Variants in CCDC88A observed in about 807,000 individuals in gnomAD.
CCDC88A encodes girdin.
In CCDC88A, 54 loss-of-function variants were observed where a neutral mutation model predicts 234.3. The observed-to-expected ratio is 0.23, with a 90% CI of 0.19 to 0.29. The LOEUF (loss-of-function observed/expected upper bound fraction) is 0.29. CCDC88A is among the 10% of genes least tolerant of loss of function. The pLI is 1.00. For synonymous variants in CCDC88A, 753 were observed against 737.8 expected (o/e 1.02, Z -0.33); for missense variants, 1,832 against 2,123.4 (o/e 0.86, Z 2.70).
chr2:55,342,313 A>G (rs1184449082), intron 12 of CCDC88A, among the ~76,000 whole-genome samples: 1 of 152,200 alleles, frequency 6.6e-6, no homozygotes, highest in Non-Finnish European at 1.5e-5. Context: ...ACCACAGTAA[A>G]GCAAATATTC....
intron 7 of CCDC88A, among the ~76,000 whole-genome samples, chr2:55,357,992 C>T (rs1263634867): frequency 2.0e-5 from 3 of 152,134 alleles, no homozygotes; most frequent in Non-Finnish European, 4.4e-5. Flanking sequence ...ACCATATCTA[C>T]TCCTGAACCT....
At chr2:55,361,696 C>T (rs1272578366) in intron 7 of CCDC88A, among the ~76,000 whole-genome samples, 1 of 152,204 alleles carries the variant, frequency 6.6e-6, no homozygotes, top group Non-Finnish European at 1.5e-5. Flanking sequence ...TTACCCACCA[C>T]CACACGCACT....
At chr2:55,350,519 TC>T (rs1420669214) in intron 8 of CCDC88A, 2 of 151,652 alleles carry the variant, frequency 1.3e-5, no homozygotes, top group Non-Finnish European at 2.9e-5. Flanking sequence ...TACCTTCTGT[TC>T]TTTAATAATA....
At chr2:55,318,127 T>G (rs10203515) in intron 19 of CCDC88A, among the ~76,000 whole-genome samples, 4,490 of 152,246 alleles carry the variant, frequency 0.029, 208 homozygotes, top group African/African-American at 0.1. Context: ...TAGCAACCAT[T>G]TGTATTATAT....
At chr2:55,359,766 T>G (rs1671053239) in intron 7 of CCDC88A, among the ~76,000 whole-genome samples, 2 of 151,840 alleles carry the variant, frequency 1.3e-5, no homozygotes, top group South Asian at 4.1e-4. Flanking sequence ...AGTTTGTCAG[T>G]TTTTTGCTCC....
At position 55,332,778 on chromosome 2, in the gene CCDC88A, A is replaced by G. The variant is rs1685071702; in HGVS notation, c.2728-85T>C. 9 of 1,125,474 alleles carry G rather than the reference A, an allele frequency of 8.0e-6. No homozygotes were observed. Among genetic ancestry groups the G allele is most frequent in the Non-Finnish European group, 1.2e-5 (9 of 767,232 alleles). The allele number at this position is 1,125,474 out of a possible 1,614,324, so 69.7% of individuals were successfully genotyped here. On this transcript the variant is annotated intron_variant, in intron 15 of 32. Transcript: ENST00000436346. The surrounding 1 kb of genome is among the most constrained non-coding windows in gnomAD (Gnocchi z 4.5). ...GTCAGCTAAGATTCTAATTACCACC[A>G]TCTAGGAATACATGTAATTTGAACC... is the stretch of plus-strand genomic sequence containing the variant.
chr2:55,296,858 A>G lies in CCDC88A; in HGVS notation c.4826-335T>C, dbSNP rs571832611. The G allele has an allele frequency of 7.3e-4, 140 of 190,594 alleles. 1 individual carries two copies. The South Asian group carries it at 0.016, about 22-fold the overall frequency. 11.8% of individuals were successfully genotyped at this position (190,594 alleles called of 1,614,324 possible). On this transcript the variant is annotated intron_variant, in intron 29 of 32. Transcript: ENST00000436346. ...ATGAATGAATAAATAAGTGAATAAT[A>G]TATTTTTTAAAATTCAGGTTCAAAT...
At chr2:55,316,392 G>C (rs1409707122) in intron 21 of CCDC88A, among the ~76,000 whole-genome samples, 1 of 151,974 alleles carries the variant, frequency 6.6e-6, no homozygotes, top group African/African-American at 2.4e-5. Context: ...ATATGTTGAA[G>C]TATAGGTACT....
At chr2:55,297,322 A>AATATATAAATTTATATATTATATATAAAT (rs1680199306) in intron 29 of CCDC88A, among the ~76,000 whole-genome samples, 3 of 13,636 alleles carry the variant, frequency 2.2e-4, no homozygotes, top group Non-Finnish European at 5.5e-4. Context: ...ATAAATATAT[A>AATATATAAATTTATATATTATATATAAAT]ATATATAATA....
chr2:55,313,523 T>A (rs896768204), intron 22 of CCDC88A: 1 of 152,174 alleles, frequency 6.6e-6, no homozygotes, highest in Non-Finnish European at 1.5e-5. Flanking sequence ...ACGCAGTTAG[T>A]AGAAACTGGA....
At chr2:55,415,933 A>C (rs551688689) in intron 2 of CCDC88A, among the ~76,000 whole-genome samples, 1 of 152,200 alleles carries the variant, frequency 6.6e-6, no homozygotes, top group South Asian at 2.1e-4. Flanking sequence ...TTTTGTATTT[A>C]ATGGAATACA....
At chr2:55,324,463 C>G (rs1195910940) in intron 17 of CCDC88A, 3 of 152,066 alleles carry the variant, frequency 2.0e-5, no homozygotes, top group African/African-American at 4.8e-5. Flanking sequence ...TATATATAAT[C>G]TGTGTGTATG....
intron 31 of CCDC88A, chr2:55,292,514 G>A (rs1308749851): frequency 1.3e-5 from 2 of 152,190 alleles, no homozygotes; most frequent in African/African-American, 2.4e-5. Context: ...GGACACATCG[G>A]TTCCATATGA....
At chr2:55,413,758 C>G (rs182643395) in intron 2 of CCDC88A, among the ~76,000 whole-genome samples, 65 of 152,038 alleles carry the variant, frequency 4.3e-4, no homozygotes, top group African/African-American at 1.5e-3. Context: ...TTGAGACCAG[C>G]CTGGGCAACA....
At chr2:55,327,884 T>C (rs1312257423) in intron 17 of CCDC88A, among the ~76,000 whole-genome samples, 1 of 152,258 alleles carries the variant, frequency 6.6e-6, no homozygotes, top group Admixed American at 6.5e-5. Flanking sequence ...TGCTGTCTTA[T>C]ATAACACACA....
At chr2:55,324,488 A>G (rs987525566) in intron 17 of CCDC88A, among the ~76,000 whole-genome samples, 13 of 152,168 alleles carry the variant, frequency 8.5e-5, no homozygotes. Flanking sequence ...TGTGTTTCTG[A>G]GTATATTTCT....
intron 5 of CCDC88A, among the ~76,000 whole-genome samples, chr2:55,371,116 G>A (rs1203104124): frequency 6.6e-6 from 1 of 152,118 alleles, no homozygotes; most frequent in Non-Finnish European, 1.5e-5. Flanking sequence ...CTATTGCTAT[G>A]TAATCTAAAT....
At position 55,308,932 on chromosome 2, in the gene CCDC88A, G is replaced by A. The variant is rs1681980386; in HGVS notation, c.4264C>T (p.Pro1422Ser). 1 of 1,613,926 alleles carries A rather than the reference G, an allele frequency of 6.2e-7. No individual in the cohort carries two copies. The highest frequency in any genetic ancestry group is 8.5e-7 in the Non-Finnish European group (1 of 1,179,862). The change falls in exon 25 of 33, where the codon CCC becomes TCC. Residue 1422 changes from proline to serine, a missense_variant. Physicochemically the swap from Pro to Ser is moderately conservative, Grantham distance 74. Coordinates refer to ENST00000436346, the MANE Select transcript of CCDC88A (RefSeq NM_001365480.1). ...RERQKSLTLT[P>S]TRSDSSEGFL... is the part of the protein sequence containing the mutation. ...CCTTCACTGGAGTCTGAGCGGGTGG[G>A]TGTTAATGTTAGAGATTTCTGGCGT...
chr2:55,334,613 T>C lies in CCDC88A; in HGVS notation c.2208A>G (p.Gln736=), dbSNP rs766997682. ...TCAGGAGCTCCAAACCCTTCTTAAG[T>C]TGCTCTTTTTCACTTTCCAGTTCTT... The part of the protein sequence containing the change: ...ENKELESEKE[Q]LKKGLELLKA... The change falls in exon 15 of 33, where the codon CAA becomes CAG. Residue 736 remains glutamine (Q), a synonymous_variant. Coordinates refer to ENST00000436346, the MANE Select transcript of CCDC88A (RefSeq NM_001365480.1). This position sits in a 1 kb window ranked among gnomAD's most constrained non-coding sequence, Gnocchi z 6.1. The C allele has an allele frequency of 2.5e-6, 4 of 1,613,692 alleles. No individual in the cohort carries two copies. Among genetic ancestry groups the C allele is most frequent in the Admixed American group, 3.3e-5 (2 of 60,006 alleles).
Sources: allele counts gnomAD v4.1 joint callset (sites outside exome capture counted in the v4.1 genomes callset), GRCh38; gene constraint gnomAD v4.1.1; non-coding constraint Gnocchi (gnomAD v3.1); transcripts MANE v1.5; gene names NCBI Gene and HGNC (gene_info 2026-07-23, HGNC 2026-07-21).